KHK: variants seen among roughly 807,000 people sequenced by gnomAD.
KHK encodes the protein fructokinase.
A neutral mutation model predicts 36.0 loss-of-function variants in KHK; 37 were observed. The ratio of observed to expected loss-of-function variants is 1.03; its 90% confidence interval spans 0.79 to 1.35. The LOEUF (loss-of-function observed/expected upper bound fraction) is 1.35, where lower values mean the gene tolerates loss of function less well. Among genes scored for constraint, KHK ranks in the 40% most tolerant of loss-of-function variants. The pLI, the probability that KHK is intolerant of heterozygous loss-of-function variation, is 0.00. For synonymous variants in KHK, 161 were observed against 162.8 expected (o/e 0.99, Z 0.08); for missense variants, 395 against 391.9 (o/e 1.01, Z -0.07).
At chr2:27,096,511 T>A (rs1050195605) in intron 3 of KHK, among the ~76,000 whole-genome samples, 3 of 152,148 alleles carry the variant, frequency 2.0e-5, no homozygotes, top group Non-Finnish European at 2.9e-5. Flanking sequence ...TTTACCGAGA[T>A]AATTTAATCA....
Position 27,099,527 on chromosome 2 carries a change from T to A in KHK, c.761T>A (p.Leu254Gln). ...CCGCCACCCCGCGTGGTGGATACAC[T>A]GGGAGCTGGAGACACCTTCAATGCC... ...AFPPPRVVDT[L>Q]GAGDTFNASV... is the part of the protein sequence containing the mutation. The change falls in exon 7 of 8, where the codon CTG becomes CAG. Residue 254 changes from leucine to glutamine, a missense_variant. Leu to Gln is a moderately radical substitution (Grantham distance 113, BLOSUM62 -2). Coordinates refer to ENST00000260598, the MANE Select transcript of KHK (RefSeq NM_006488.3). 1 of 1,614,158 alleles carries A rather than the reference T, an allele frequency of 6.2e-7. No homozygotes were observed. The highest frequency in any genetic ancestry group is 1.3e-5 in the African/African-American group (1 of 75,036).
At chr2:27,087,648 A>C (rs998058781) in intron 1 of KHK, among the ~76,000 whole-genome samples, 1 of 152,242 alleles carries the variant, frequency 6.6e-6, no homozygotes, top group African/African-American at 2.4e-5. Context: ...TTTACTGATA[A>C]GTATAGATTC....
chr2:27,094,275 T>C (rs1670187212), intron 2 of KHK: 3 of 661,430 alleles, frequency 4.5e-6, no homozygotes, highest in Non-Finnish European at 8.2e-6. Flanking sequence ...TTAGTGTTTC[T>C]CTCTCTGAGC....
intron 6 of KHK, 26 bp downstream of exon 6, chr2:27,099,310 C>T (rs1385160073): frequency 6.2e-7 from 1 of 1,613,482 alleles, no homozygotes; most frequent in East Asian, 2.2e-5. Flanking sequence ...CAGGAAGGGG[C>T]TTTAGAAGGT....
intron 2 of KHK, chr2:27,094,113 C>A (rs534729731): frequency 2.7e-6 from 1 of 372,810 alleles, no homozygotes; most frequent in Non-Finnish European, 5.2e-6. Context: ...AAACAAGCCA[C>A]GGTGCCCCCA....
At chr2:27,095,839 C>T (rs747664135) in intron 3 of KHK, among the ~76,000 whole-genome samples, 5 of 152,194 alleles carry the variant, frequency 3.3e-5, no homozygotes, top group African/African-American at 4.8e-5. Flanking sequence ...AGGTGACCTT[C>T]GCATTGGGCA....
At chr2:27,092,493 CATT>C (rs1558444221) in intron 2 of KHK, 45 bp downstream of exon 2, 1 of 1,386,194 alleles carries the variant, frequency 7.2e-7, no homozygotes, top group Non-Finnish European at 1.0e-6. Context: ...CTGCCTGCAT[CATT>C]GTGGGAGAAG....
Position 27,092,381 on chromosome 2 carries a change from A to G in KHK, c.142A>G (p.Thr48Ala). ...CGGAGGCAACGCGTCCAACTCCTGC[A>G]CCGTTCTCTCCCTGCTCGGAGCCCC... The part of the protein sequence containing the change: ...QRGGNASNSC[T>A]VLSLLGAPCA... The change falls in exon 2 of 8, where the codon ACC (threonine) becomes GCC (alanine). Residue 48 changes from threonine (T) to alanine (A), a missense_variant. Physicochemically the swap from Thr to Ala is moderately conservative, Grantham distance 58. Coordinates refer to ENST00000260598, the MANE Select transcript of KHK (RefSeq NM_006488.3). The G allele has an allele frequency of 6.2e-7, 1 of 1,613,690 alleles. No homozygotes were observed. The highest frequency in any genetic ancestry group is 8.5e-7 in the Non-Finnish European group (1 of 1,180,030).
intron 1 of KHK, among the ~76,000 whole-genome samples, chr2:27,091,518 T>C (rs1475846443): frequency 6.6e-6 from 1 of 152,224 alleles, no homozygotes; most frequent in Non-Finnish European, 1.5e-5. Context: ...TTGGTACTGT[T>C]CCTTTTATTG....
chr2:27,100,740 C>T lies in KHK; in HGVS notation c.*990C>T, dbSNP rs1348090112. On this transcript the variant is annotated 3_prime_UTR_variant, in exon 8 of 8. Coordinates refer to ENST00000260598, the MANE Select transcript of KHK (RefSeq NM_006488.3). The stretch of plus-strand genomic sequence containing the variant: ...TGAGGATAAAATCATATATAAAATG[C>T]CCAGCATGATGCCTGATGTGTACAA... 7 of 1,149,408 alleles carry T rather than the reference C, an allele frequency of 6.1e-6. No homozygotes were observed. Among genetic ancestry groups the T allele is most frequent in the Non-Finnish European group, 7.7e-6 (7 of 908,260 alleles). The allele number at this position is 1,149,408 out of a possible 1,614,324, so 71.2% of individuals were successfully genotyped here.
chr2:27,090,144 G>A (rs768668346), intron 1 of KHK, among the ~76,000 whole-genome samples: 3 of 152,142 alleles, frequency 2.0e-5, no homozygotes, highest in African/African-American at 7.2e-5. Flanking sequence ...GAGCCACCGC[G>A]CCCAGCCTTT....
At chr2:27,099,033 TAAAG>T (rs538429276) in intron 5 of KHK, 159 bp from the exon 6 acceptor site, 78 of 733,350 alleles carry the variant, frequency 1.1e-4, no homozygotes, top group African/African-American at 7.5e-4. Context: ...TCACAAAAAA[TAAAG>T]AAAAAAGAAA....
At chr2:27,087,435 C>T in intron 1 of KHK, 84 bp downstream of exon 1, 1 of 1,077,020 alleles carries the variant, frequency 9.3e-7, no homozygotes, top group Non-Finnish European at 1.4e-6. Flanking sequence ...GCAGAGACCC[C>T]GCAGTGAGGC....
chr2:27,092,763 TTA>T (rs980077341), intron 2 of KHK, among the ~76,000 whole-genome samples: 13 of 152,144 alleles, frequency 8.5e-5, no homozygotes, highest in African/African-American at 3.1e-4. Context: ...TGCCTTTGCC[TTA>T]TCTTAAGTCC....
chr2:27,099,085 G>T (rs914138777), intron 5 of KHK, 111 bp from the exon 6 acceptor site: 6 of 921,620 alleles, frequency 6.5e-6, no homozygotes, highest in African/African-American at 3.2e-5. Flanking sequence ...CTACGTTGGG[G>T]ATCTATGTGG....
chr2:27,097,667 C>T lies in KHK; in HGVS notation c.564+18C>T, dbSNP rs1016516426. The T allele has an allele frequency of 6.2e-7, 1 of 1,613,922 alleles. No homozygotes were observed. The highest frequency in any genetic ancestry group is 8.5e-7 in the Non-Finnish European group (1 of 1,179,986). On this transcript the variant is annotated intron_variant, in intron 5 of 7. Transcript: ENST00000260598. ...GAGACGTGGTGGGTGCCCCATTCAG[C>T]CTCTCTTTGCCACTTCCAGCTAATT...
At position 27,097,390 on chromosome 2, in the gene KHK, C is replaced by G. The variant is rs888706258; in HGVS notation, c.418-113C>G. On this transcript the variant is annotated intron_variant, in intron 4 of 7. Transcript: ENST00000260598. ...TGTAATTTAGGATGGGGTTCTAGCC[C>G]AGCCTCCCCGAGGCCCTCTCCCTCC... 2.8e-6 allele frequency: 4 copies of G among 1,410,776 alleles called. No individual in the cohort carries two copies. In the East Asian group the frequency reaches 9.2e-5, roughly 33 times the overall value. The allele number at this position is 1,410,776 out of a possible 1,614,324, so 87.4% of individuals were successfully genotyped here.
chr2:27,099,772 A>AAAGT lies in KHK; in HGVS notation c.*22_*23insAAGT, dbSNP rs1407259337. On this transcript the variant is annotated 3_prime_UTR_variant, in exon 8 of 8. Coordinates refer to ENST00000260598, the MANE Select transcript of KHK (RefSeq NM_006488.3). ...GTGAGAGCAGGTGCCGGCTCCTCAC[A>AAAGT]CACCATGGAGACTACCATTGCGGCT... is the stretch of plus-strand genomic sequence containing the variant. 5.0e-6 allele frequency: 8 copies of AAAGT among 1,612,152 alleles called. No homozygotes were observed. In the East Asian group the frequency reaches 1.8e-4, roughly 36 times the overall value.
At chr2:27,098,453 A>G (rs60359029) in intron 5 of KHK, among the ~76,000 whole-genome samples, 3,895 of 146,142 alleles carry the variant, frequency 0.027, 194 homozygotes, top group African/African-American at 0.096. Flanking sequence ...GTCATTCAAG[A>G]TTGCAAGACC....
Sources: allele counts gnomAD v4.1 joint callset (sites outside exome capture counted in the v4.1 genomes callset), GRCh38; gene constraint gnomAD v4.1.1; transcripts MANE v1.5; gene names NCBI Gene and HGNC (gene_info 2026-07-23, HGNC 2026-07-21).